ESRRG: variants seen among roughly 807,000 people sequenced by gnomAD.
The protein encoded by ESRRG is estrogen related receptor gamma.
A neutral mutation model predicts 44.0 loss-of-function variants in ESRRG; 13 were observed. That is an observed-to-expected ratio of 0.30 (90% confidence interval 0.19 to 0.47). The LOEUF is 0.47. Among genes scored for constraint, ESRRG ranks in the 20% least tolerant of loss-of-function variants. ESRRG has a pLI of 1.00. For missense variants in ESRRG, 395 were observed against 580.6 expected (o/e 0.68, Z 3.29); for synonymous variants, 215 against 214.6 (o/e 1.00, Z -0.02).
At chr1:217,085,701 G>A (rs890214654) in intron 1 of ESRRG, among the ~76,000 whole-genome samples, 1 of 151,624 alleles carries the variant, frequency 6.6e-6, no homozygotes, top group Admixed American at 6.6e-5. Flanking sequence ...ATGTTGGCCA[G>A]GATGGTCTCA....
chr1:216,708,125 C>T (rs184213547), intron 1 of ESRRG, among the ~76,000 whole-genome samples: 73 of 151,870 alleles, frequency 4.8e-4, no homozygotes, highest in African/African-American at 1.5e-3. Flanking sequence ...GTATATTCAA[C>T]GTGTGTTAAG....
intron 5 of ESRRG, among the ~76,000 whole-genome samples, chr1:216,551,907 T>C (rs2056443417): frequency 6.6e-6 from 1 of 152,148 alleles, no homozygotes; most frequent in East Asian, 1.9e-4. Context: ...AACCAAACTC[T>C]CGGCCACTTG....
At chr1:216,676,837 G>A (rs1393800301) in intron 2 of ESRRG, among the ~76,000 whole-genome samples, 2 of 152,068 alleles carry the variant, frequency 1.3e-5, no homozygotes, top group Non-Finnish European at 2.9e-5. Flanking sequence ...TCTACCCAAA[G>A]TTTATTATCC....
chr1:216,723,175 T>C (rs906885984), intron 1 of ESRRG, 69 bp downstream of exon 1: 7 of 1,294,776 alleles, frequency 5.4e-6, no homozygotes, highest in African/African-American at 2.9e-5. Context: ...TGTGTAAAGA[T>C]ATAGTCTGTC....
chr1:216,927,476 G>A (rs1183038224), intron 2 of ESRRG, among the ~76,000 whole-genome samples: 2 of 152,200 alleles, frequency 1.3e-5, no homozygotes, highest in African/African-American at 2.4e-5. Flanking sequence ...GATCCAAGGG[G>A]CTGAGGAGCA....
rs551336651 is a variant in ESRRG at position 216,632,197 on chromosome 1, A to G, written c.589+18776T>C. Among the ~76,000 whole-genome samples the G allele has an allele frequency of 5.3e-5, 8 of 152,304 alleles. No individual in the cohort carries two copies. The South Asian group carries it at 1.7e-3, about 32-fold the overall frequency. On this transcript the variant is annotated intron_variant, in intron 3 of 6. Transcript: ENST00000408911. ...CTTTTTTAAAGATATTACCAAACAT[A>G]CATAACCTTGTGTCTCCCTACCCTG...
At chr1:216,654,800 G>A (rs947853348) in intron 2 of ESRRG, among the ~76,000 whole-genome samples, 2 of 151,938 alleles carry the variant, frequency 1.3e-5, no homozygotes, top group African/African-American at 4.8e-5. Context: ...ATATGTACAG[G>A]AAATAAAAAT....
chr1:216,584,415 C>T (rs1041423274), intron 3 of ESRRG, among the ~76,000 whole-genome samples: 5 of 151,962 alleles, frequency 3.3e-5, no homozygotes, highest in South Asian at 2.1e-4. Flanking sequence ...CGCCACCTCA[C>T]CTGGCTAATT....
chr1:216,549,963 T>C (rs1379530978), intron 5 of ESRRG, among the ~76,000 whole-genome samples: 2 of 152,158 alleles, frequency 1.3e-5, no homozygotes, highest in African/African-American at 4.8e-5. Context: ...TTTTCTGTCA[T>C]GTTGGCATCT....
intron 2 of ESRRG, among the ~76,000 whole-genome samples, chr1:216,846,514 G>A (rs182607507): frequency 1.8e-4 from 28 of 152,156 alleles, no homozygotes; most frequent in African/African-American, 3.1e-4. Flanking sequence ...CTGTGACTAC[G>A]TTCCGATAAA....
intron 1 of ESRRG, among the ~76,000 whole-genome samples, chr1:217,029,342 C>T (rs571390835): frequency 6.6e-6 from 1 of 152,144 alleles, no homozygotes; most frequent in African/African-American, 2.4e-5. Context: ...GCTCAGAAAC[C>T]GACCGTAAGG....
intron 2 of ESRRG, among the ~76,000 whole-genome samples, chr1:216,845,495 G>T (rs986963678): frequency 6.6e-6 from 1 of 152,150 alleles, no homozygotes. Context: ...CTGAAGAAAA[G>T]TCTGGCTTAG....
At chr1:216,513,968 T>C (rs910529811) in intron 6 of ESRRG, among the ~76,000 whole-genome samples, 1 of 152,138 alleles carries the variant, frequency 6.6e-6, no homozygotes, top group Admixed American at 6.5e-5. Flanking sequence ...CTATAATCAT[T>C]TCCTGGAAAT....
At chr1:216,512,438 A>T (rs1388249245) in intron 6 of ESRRG, among the ~76,000 whole-genome samples, 1 of 152,260 alleles carries the variant, frequency 6.6e-6, no homozygotes, top group Non-Finnish European at 1.5e-5. Flanking sequence ...ACTTTGGAGT[A>T]CAGACTTAAA....
chr1:216,934,231 C>T (rs2063771659), intron 2 of ESRRG, among the ~76,000 whole-genome samples: 1 of 152,076 alleles, frequency 6.6e-6, no homozygotes, highest in Non-Finnish European at 1.5e-5. Flanking sequence ...GTCAGGAGTT[C>T]AAGACCAGTC....
At chr1:216,848,386 T>C (rs190821842) in intron 2 of ESRRG, among the ~76,000 whole-genome samples, 37 of 147,430 alleles carry the variant, frequency 2.5e-4, no homozygotes, top group African/African-American at 9.5e-4. Context: ...AAGCTAGATA[T>C]GAATTTCTTG....
At chr1:217,062,688 C>T (rs1413053910) in intron 1 of ESRRG, among the ~76,000 whole-genome samples, 1 of 152,192 alleles carries the variant, frequency 6.6e-6, no homozygotes, top group African/African-American at 2.4e-5. Context: ...CTGCAACCAG[C>T]ACTACTGGTT....
chr1:217,029,656 A>T (rs1210065169), intron 1 of ESRRG, among the ~76,000 whole-genome samples: 4 of 152,202 alleles, frequency 2.6e-5, no homozygotes, highest in African/African-American at 9.6e-5. Flanking sequence ...TTCATTAAGA[A>T]AAAGGGTATA....
At chr1:216,794,048 C>A (rs1232470025) in intron 2 of ESRRG, among the ~76,000 whole-genome samples, 1 of 150,872 alleles carries the variant, frequency 6.6e-6, no homozygotes, top group African/African-American at 2.4e-5. Flanking sequence ...TTCAGAAGGT[C>A]CAATTTTTTA....
Sources: gnomAD v4.1 joint callset for allele counts (sites outside exome capture counted in the v4.1 genomes callset) on GRCh38, gnomAD v4.1.1 for gene constraint, MANE v1.5 for transcripts, NCBI Gene and HGNC (gene_info 2026-07-23, HGNC 2026-07-21) for gene names.